Variants in CHRNA4 observed in about 807,000 individuals in gnomAD.
CHRNA4 encodes neuronal acetylcholine receptor subunit alpha-4.
A neutral mutation model predicts 48.9 loss-of-function variants in CHRNA4; 28 were observed. That is an observed-to-expected ratio of 0.57 (90% CI 0.42 to 0.79). CHRNA4 has a LOEUF of 0.79. CHRNA4 is among the 30% of genes least tolerant of loss of function. The probability of loss-of-function intolerance (pLI) is 0.00; values close to 1 mark genes in which losing one functional copy is unlikely to be tolerated. For missense variants in CHRNA4, 859 were observed against 898.4 expected, an observed-to-expected ratio of 0.96 and a Z score of 0.56; for synonymous variants, 425 against 402.3, an observed-to-expected ratio of 1.06 and a Z score of -0.68.
intron 4 of CHRNA4, chr20:63,355,454 C>G: frequency 1.7e-6 from 2 of 1,169,908 alleles, no homozygotes; most frequent in South Asian, 2.5e-5. Context: ...GCAGAGAAAG[C>G]AGAGGCCCTA....
chr20:63,349,782 G>C lies in CHRNA4; in HGVS notation c.1629C>G (p.Ser543Arg), dbSNP rs1044396. 60 of 1,609,150 alleles carry C rather than the reference G, an allele frequency of 3.7e-5. 1 individual carries two copies. The South Asian group carries it at 6.5e-4, about 17-fold the overall frequency. ...CKKEPSSVSP[S>R]ATVKTRSTKA... ...TGGTGCTGCGGGTCTTGACCGTGGC[G>C]CTCGGGGACACCGAAGAGGGCTCCT... Residue 543 changes from serine to arginine, a missense_variant, in exon 5 of 6, where the codon AGC (serine) becomes AGG (arginine). Transcript: ENST00000370263.
At chr20:63,359,911 G>A (rs1455464162) in intron 1 of CHRNA4, 3 of 518,660 alleles carry the variant, frequency 5.8e-6, no homozygotes, top group African/African-American at 1.9e-5. Context: ...GTGTGTGTGT[G>A]TGTGTGTGTG....
rs192351406 is a variant in CHRNA4 at position 63,355,077 on chromosome 20, G to A, written c.383+898C>T. ...GGGCTGTGGGCAGATGGCTGGGACGGGAGAGGAGGAAGAGCTTCCATTTGC... is the reference window on the plus strand; with the variant it reads ...GGGCTGTGGGCAGATGGCTGGGACGAGAGAGGAGGAAGAGCTTCCATTTGC... On this transcript the variant is annotated intron_variant, in intron 4 of 5. Coordinates refer to ENST00000370263, the MANE Select transcript of CHRNA4 (RefSeq NM_000744.7). Among the ~76,000 whole-genome samples, 37 of 152,320 alleles carry A rather than the reference G, an allele frequency of 2.4e-4. 1 individual carries two copies. Among genetic ancestry groups the A allele is most frequent in the Admixed American group, 2.1e-3 (32 of 15,302 alleles).
chr20:63,345,300 C>T lies in CHRNA4; in HGVS notation c.*1438G>A, dbSNP rs2068473669. The T allele has an allele frequency of 6.6e-6, 3 of 453,578 alleles. No individual in the cohort carries two copies. In the East Asian group the frequency reaches 2.1e-4, roughly 32 times the overall value. 28.1% of individuals were successfully genotyped at this position (453,578 alleles called of 1,614,324 possible). ...TCTGGGGGCAGCAGAATGTGGACCA[C>T]TCAGCAGGAGGCTTCCTGACTGTCT... On this transcript the variant is annotated 3_prime_UTR_variant, in exon 6 of 6. Coordinates refer to ENST00000370263, the MANE Select transcript of CHRNA4 (RefSeq NM_000744.7). This position sits in a 1 kb window ranked among gnomAD's most constrained non-coding sequence, Gnocchi z 5.4.
chr20:63,360,387 C>T (rs45623041), intron 1 of CHRNA4, among the ~76,000 whole-genome samples: 1 of 152,330 alleles, frequency 6.6e-6, no homozygotes, highest in East Asian at 1.9e-4. Context: ...TTGGGCAGAC[C>T]CAGAACGCCC....
At chr20:63,347,532 C>G (rs189158049) in intron 5 of CHRNA4, among the ~76,000 whole-genome samples, 1 of 152,248 alleles carries the variant, frequency 6.6e-6, no homozygotes, top group East Asian at 1.9e-4. Flanking sequence ...GGACCTCCCC[C>G]GGGTGACCCC....
rs954647036 is a variant in CHRNA4 at position 63,349,494 on chromosome 20, C to T, written c.1758+159G>A. The T allele has an allele frequency of 2.0e-5, 20 of 983,034 alleles. No individual in the cohort carries two copies. In the East Asian group the frequency reaches 2.1e-4, roughly 10 times the overall value. The allele number at this position is 983,034 out of a possible 1,614,324, so 60.9% of individuals were successfully genotyped here. A position where few individuals can be genotyped will look rare whatever the true frequency, so the allele number is the denominator to read the frequency against. The stretch of plus-strand genomic sequence containing the variant: ...CTGGGACCTGCGGCCACATAGCAGG[C>T]TTGGGAAGAGGCTGCTGCAGCAGGG... On this transcript the variant is annotated intron_variant, in intron 5 of 5. Transcript: ENST00000370263.
At chr20:63,349,468 C>G (rs1001207661) in intron 5 of CHRNA4, 185 bp downstream of exon 5, 1 of 793,660 alleles carries the variant, frequency 1.3e-6, no homozygotes, top group Non-Finnish European at 2.0e-6. Context: ...CCCCGCTCAG[C>G]CTGGGACCTG....
In CHRNA4 at chr20:63,350,336, T is replaced by C. The variant is rs1555837732; in HGVS notation, c.1075A>G (p.Lys359Glu). The C allele has an allele frequency of 1.2e-6, 2 of 1,613,418 alleles. No homozygotes were observed. Among genetic ancestry groups the C allele is most frequent in the African/African-American group, 1.3e-5 (1 of 75,038 alleles). Reference protein sequence around the residue: ...LDIVPRLLLMKRPSVVKDNCR... With the variant: ...LDIVPRLLLMERPSVVKDNCR... ...TTGTCCTTGACCACGGACGGCCGCTTCATGAGGAGCAGGCGTGGCACGATG... is the reference window on the plus strand; with the variant it reads ...TTGTCCTTGACCACGGACGGCCGCTCCATGAGGAGCAGGCGTGGCACGATG... The change falls in exon 5 of 6, where the codon AAG becomes GAG. Residue 359 changes from lysine to glutamate, a missense_variant. Lys to Glu is a moderately conservative substitution (Grantham distance 56). Coordinates refer to ENST00000370263, the MANE Select transcript of CHRNA4 (RefSeq NM_000744.7).
chr20:63,359,423 G>T, intron 2 of CHRNA4, 125 bp downstream of exon 2: 2 of 1,260,824 alleles, frequency 1.6e-6, no homozygotes, highest in Non-Finnish European at 2.2e-6. Context: ...TGACGTACCA[G>T]CCCGGGCCGG....
rs150852982 is a variant in CHRNA4 at position 63,350,301 on chromosome 20, C to T, written c.1110G>A (p.Arg370=). 6.2e-6 allele frequency: 10 copies of T among 1,612,850 alleles called. No individual in the cohort carries two copies. Among genetic ancestry groups the T allele is most frequent in the African/African-American group, 4.0e-5 (3 of 74,936 alleles). The part of the protein sequence containing the change: ...RPSVVKDNCR[R]LIESMHKMAS... Reference sequence around the variant, plus strand: ...CCATCTTATGCATGGACTCGATGAGCCGCCGGCAATTGTCCTTGACCACGG... The same window carrying T: ...CCATCTTATGCATGGACTCGATGAGTCGCCGGCAATTGTCCTTGACCACGG... The change falls in exon 5 of 6, where the codon CGG becomes CGA. Residue 370 remains arginine, a synonymous_variant. Transcript: ENST00000370263.
rs201769782 is a variant in CHRNA4, at chr20:63,356,464, T to A, written c.229-49A>T. 2.1e-5 allele frequency: 32 copies of A among 1,551,868 alleles called. 1 individual carries two copies. In the South Asian group the frequency reaches 3.8e-4, roughly 18 times the overall value. ...GGCCAGTGACCCCTTGGTGTCTTTC[T>A]CTGGCCCTAGGTTTCCTCATCTACA... On this transcript the variant is annotated intron_variant, in intron 2 of 5. Transcript: ENST00000370263.
Position 63,346,835 on chromosome 20 carries a change from A to G in CHRNA4, c.1787T>C (p.Met596Thr). Residue 596 changes from methionine (M) to threonine (T), a missense_variant, in exon 6 of 6, where the codon ATG becomes ACG. By Grantham distance (81) the Met-to-Thr change is moderately conservative (BLOSUM62 -1). Coordinates refer to ENST00000370263, the MANE Select transcript of CHRNA4 (RefSeq NM_000744.7). ...CCAGAGGAAGATGCGGTCGATGACC[A>G]TGGCCACGTACTTCCAGTCCTCCTT... ...SVKEDWKYVA[M>T]VIDRIFLWMF... The G allele has an allele frequency of 6.2e-7, 1 of 1,612,620 alleles. No individual in the cohort carries two copies. Among genetic ancestry groups the G allele is most frequent in the Non-Finnish European group, 8.5e-7 (1 of 1,179,640 alleles).
At position 63,361,281 on chromosome 20, in the gene CHRNA4, G is replaced by A. The variant is rs1399037630; in HGVS notation, c.-116C>T. On this transcript the variant is annotated 5_prime_UTR_variant, in exon 1 of 6. Coordinates refer to ENST00000370263, the MANE Select transcript of CHRNA4 (RefSeq NM_000744.7). Reference sequence around the variant, plus strand: ...GCCTCGCGGGCCGCTTCGGCCGCCGGGCCCGGTTCGTCTTCTCCTGTGGGG... The same window carrying A: ...GCCTCGCGGGCCGCTTCGGCCGCCGAGCCCGGTTCGTCTTCTCCTGTGGGG... The A allele has an allele frequency of 7.3e-7, 1 of 1,369,812 alleles. No individual in the cohort carries two copies. The highest frequency in any genetic ancestry group is 3.3e-5 in the East Asian group (1 of 29,896). 84.9% of individuals were successfully genotyped at this position (1,369,812 alleles called of 1,614,324 possible). A position where few individuals can be genotyped will look rare whatever the true frequency, so the allele number is the denominator to read the frequency against.
At position 63,351,038 on chromosome 20, in the gene CHRNA4, A is replaced by G. The variant is rs201015514; in HGVS notation, c.384-11T>C. On this transcript the variant is annotated splice_polypyrimidine_tract_variant and intron_variant, in intron 4 of 5. Coordinates refer to ENST00000370263, the MANE Select transcript of CHRNA4 (RefSeq NM_000744.7). ...AAGTCCCCGTCAGCACTGGGCAGGA[A>G]GAGAGCGAAGGGTGTGAGACCCCCA... is the stretch of plus-strand genomic sequence containing the variant. 1.2e-6 allele frequency: 2 copies of G among 1,611,430 alleles called. No homozygotes were observed. Among genetic ancestry groups the G allele is most frequent in the South Asian group, 2.2e-5 (2 of 90,982 alleles).
At chr20:63,356,941 C>T (rs942561806) in intron 2 of CHRNA4, among the ~76,000 whole-genome samples, 1 of 152,014 alleles carries the variant, frequency 6.6e-6, no homozygotes, top group Non-Finnish European at 1.5e-5. Flanking sequence ...CAGCCCCTTC[C>T]GACCCACCCC....
rs1464494182 is a variant in CHRNA4 at position 63,344,131 on chromosome 20, G to A, written c.*2607C>T. ...AACACTGCTCACAATTAAAAACGAA[G>A]GAACAGACAGCAAGGAGCTACGGAC... On this transcript the variant is annotated 3_prime_UTR_variant, in exon 6 of 6. Coordinates refer to ENST00000370263, the MANE Select transcript of CHRNA4 (RefSeq NM_000744.7). This position sits in a 1 kb window ranked among gnomAD's most constrained non-coding sequence, Gnocchi z 4.5. The A allele has an allele frequency of 2.2e-6, 1 of 454,090 alleles. No individual in the cohort carries two copies. The highest frequency in any genetic ancestry group is 2.3e-5 in the Admixed American group (1 of 42,568). 28.1% of individuals were successfully genotyped at this position (454,090 alleles called of 1,614,324 possible). A position where few individuals can be genotyped will look rare whatever the true frequency, so the allele number is the denominator to read the frequency against.
chr20:63,359,806 C>A, intron 1 of CHRNA4, 107 bp from the exon 2 acceptor site: 1 of 1,345,520 alleles, frequency 7.4e-7, no homozygotes, highest in South Asian at 1.3e-5. Context: ...ACGTCCACTT[C>A]CTTTCAGCTC....
At position 63,350,904 on chromosome 20, in the gene CHRNA4, G is replaced by C; in HGVS notation, c.507C>G (p.Pro169=). Residue 169 remains proline (P), a synonymous_variant, in exon 5 of 6, where the codon CCC becomes CCG. Transcript: ENST00000370263. The part of the protein sequence containing the change: ...SSCSIDVTFF[P]FDQQNCTMKF... ...TCATGGTGCAGTTCTGCTGGTCGAAGGGGAAGAAGGTGACGTCGATGCTGC... is the reference window on the plus strand; with the variant it reads ...TCATGGTGCAGTTCTGCTGGTCGAACGGGAAGAAGGTGACGTCGATGCTGC... 1 of 1,614,038 alleles carries C rather than the reference G, an allele frequency of 6.2e-7. No homozygotes were observed. Among genetic ancestry groups the C allele is most frequent in the Non-Finnish European group, 8.5e-7 (1 of 1,180,032 alleles).
Sources: allele counts gnomAD v4.1 joint callset (sites outside exome capture counted in the v4.1 genomes callset), GRCh38; gene constraint gnomAD v4.1.1; non-coding constraint Gnocchi (gnomAD v3.1); transcripts MANE v1.5; gene names NCBI Gene and HGNC (gene_info 2026-07-23, HGNC 2026-07-21).